The following KIDINS220 variants were observed in gnomAD, a reference collection of about 807,000 sequenced individuals.
The protein encoded by KIDINS220 is kinase D interacting substrate 220, also known as kinase D-interacting substrate of 220 kDa.
KIDINS220 carries 63 observed loss-of-function variants against 157.6 expected under a neutral mutation model. That is an observed-to-expected ratio of 0.40 (90% confidence interval 0.33 to 0.49). The LOEUF is 0.49. Among genes scored for constraint, KIDINS220 ranks in the 20% least tolerant of loss-of-function variants. The pLI is 0.66. For synonymous variants in KIDINS220, 732 were observed against 783.6 expected (o/e 0.93, Z 1.10); for missense variants, 1,772 against 2,171.2 (o/e 0.82, Z 3.65).
intron 5 of KIDINS220, 48 bp from the exon 6 acceptor site, chr2:8,812,541 G>GGAAA (rs780683690): frequency 3.7e-6 from 4 of 1,079,798 alleles, no homozygotes; most frequent in Non-Finnish European, 5.3e-6. Context: ...TAGGAAGGAA[G>GGAAA]GAAAGAAAGA....
At chr2:8,723,467 G>C (rs1180226547), downstream of KIDINS220, 4 of 152,238 alleles carry the variant, frequency 2.6e-5, no homozygotes, top group African/African-American at 9.6e-5. Context: ...TAGATTTGGT[G>C]ATGGTTGTTA....
intron 24 of KIDINS220, 130 bp downstream of exon 24, chr2:8,749,982 T>G: frequency 1.4e-6 from 1 of 709,632 alleles, no homozygotes. Flanking sequence ...ATATTTTACA[T>G]TCAAACTTTA....
intron 26 of KIDINS220, among the ~76,000 whole-genome samples, chr2:8,744,237 A>G (rs1395366289): frequency 6.9e-6 from 1 of 143,980 alleles, no homozygotes; most frequent in Non-Finnish European, 1.5e-5. Context: ...TATATCTATA[A>G]TTTATCTGAC....
chr2:8,729,339 G>A lies in KIDINS220; in HGVS notation c.*1381C>T, dbSNP rs1341278107. The A allele has an allele frequency of 1.9e-5, 19 of 985,298 alleles. No individual in the cohort carries two copies. The highest frequency in any genetic ancestry group is 2.3e-5 in the Non-Finnish European group (19 of 829,942). 61.0% of individuals were successfully genotyped at this position (985,298 alleles called of 1,614,324 possible). ...AAAAACCCACTGAGTGATAAACATC[G>A]AAAATGTAACACTGAATCTAGATAA... On this transcript the variant is annotated 3_prime_UTR_variant, in exon 30 of 30. Coordinates refer to ENST00000256707, the MANE Select transcript of KIDINS220 (RefSeq NM_020738.4).
At chr2:8,727,464 T>G (rs889742174), downstream of KIDINS220, among the ~76,000 whole-genome samples, 1 of 152,220 alleles carries the variant, frequency 6.6e-6, no homozygotes, top group African/African-American at 2.4e-5. Context: ...ATTCAGAGAT[T>G]CCTGGATTTT....
chr2:8,723,864 C>T (rs966951541), downstream of KIDINS220: 1 of 152,244 alleles, frequency 6.6e-6, no homozygotes, highest in Non-Finnish European at 1.5e-5. Flanking sequence ...TAATCATCCA[C>T]ATGGGAGGCA....
At chr2:8,828,048 G>A (rs984305281) in intron 1 of KIDINS220, among the ~76,000 whole-genome samples, 1 of 152,116 alleles carries the variant, frequency 6.6e-6, no homozygotes, top group Non-Finnish European at 1.5e-5. Flanking sequence ...AGCCCTCTAA[G>A]GGCTTCTCGG....
chr2:8,726,587 A>C (rs1392608980), downstream of KIDINS220, among the ~76,000 whole-genome samples: 1 of 152,138 alleles, frequency 6.6e-6, no homozygotes, highest in African/African-American at 2.4e-5. Flanking sequence ...CTGTTGGACG[A>C]TTTTGTCGTG....
In KIDINS220 at chr2:8,730,237, C is replaced by T; in HGVS notation, c.*483G>A. On this transcript the variant is annotated 3_prime_UTR_variant, in exon 30 of 30. Coordinates refer to ENST00000256707, the MANE Select transcript of KIDINS220 (RefSeq NM_020738.4). ...GAACGCTGGATCTCGGTTTACTCAG[C>T]CTCTCCCTGTAGCGTCACAGGCTGT... 1.0e-6 allele frequency: 1 copy of T among 987,770 alleles called. No homozygotes were observed. The highest frequency in any genetic ancestry group is 1.2e-6 in the Non-Finnish European group (1 of 831,714). 61.2% of individuals were successfully genotyped at this position (987,770 alleles called of 1,614,324 possible). A position where few individuals can be genotyped will look rare whatever the true frequency, so the allele number is the denominator to read the frequency against.
intron 22 of KIDINS220, chr2:8,757,356 T>C (rs1380721957): frequency 1.9e-6 from 2 of 1,058,900 alleles, no homozygotes. Context: ...TTCAACTAAA[T>C]ATCTATTTTT....
chr2:8,725,268 G>C (rs1309872582), downstream of KIDINS220: 1 of 152,166 alleles, frequency 6.6e-6, no homozygotes, highest in Admixed American at 6.5e-5. Context: ...CAGGAACTAT[G>C]ATAAATTTGA....
Position 8,729,392 on chromosome 2 carries a change from C to T in KIDINS220, c.*1328G>A, listed in dbSNP as rs1333182959. The T allele has an allele frequency of 4.2e-5, 41 of 985,318 alleles. No individual in the cohort carries two copies. The highest frequency in any genetic ancestry group is 1.2e-4 in the Admixed American group (2 of 16,274). The allele number at this position is 985,318 out of a possible 1,614,324, so 61.0% of individuals were successfully genotyped here. A position where few individuals can be genotyped will look rare whatever the true frequency, so the allele number is the denominator to read the frequency against. On this transcript the variant is annotated 3_prime_UTR_variant, in exon 30 of 30. Transcript: ENST00000256707. ...GCGCATCTGCGATCTCACCATCTAC[C>T]GTCCTAACTGTGACTTGGGGTAAAC... is the stretch of plus-strand genomic sequence containing the variant.
At position 8,745,037 on chromosome 2, in the gene KIDINS220, C is replaced by T. The variant is rs1208262111; in HGVS notation, c.3585+2108G>A. Among the ~76,000 whole-genome samples the T allele has an allele frequency of 1.8e-4, 28 of 152,184 alleles. 1 individual carries two copies. Among genetic ancestry groups the T allele is most frequent in the Admixed American group, 1.8e-3 (28 of 15,284 alleles). ...CACACGATTTCCCCTTCTCCAAAAA[C>T]TCATTTCAAAATTTGCCTAATGCTC... On this transcript the variant is annotated intron_variant, in intron 26 of 29. Coordinates refer to ENST00000256707, the MANE Select transcript of KIDINS220 (RefSeq NM_020738.4).
chr2:8,822,308 T>A (rs1678092122), intron 2 of KIDINS220, among the ~76,000 whole-genome samples: 1 of 152,154 alleles, frequency 6.6e-6, no homozygotes, highest in Non-Finnish European at 1.5e-5. Context: ...TTCGAAATCC[T>A]CCTTTGAAAT....
chr2:8,733,400 G>A (rs764854955), intron 29 of KIDINS220, 44 bp downstream of exon 29: 12 of 1,472,486 alleles, frequency 8.1e-6, no homozygotes, highest in Non-Finnish European at 2.8e-6. Flanking sequence ...ACTGAACGGT[G>A]TGCTTATTCT....
intron 24 of KIDINS220, among the ~76,000 whole-genome samples, chr2:8,749,773 A>G (rs941220458): frequency 2.0e-4 from 31 of 152,220 alleles, no homozygotes; most frequent in African/African-American, 7.5e-4. Flanking sequence ...ACTATTATAC[A>G]AGATATAACA....
intron 22 of KIDINS220, among the ~76,000 whole-genome samples, chr2:8,763,912 G>C (rs1196174195): frequency 6.6e-6 from 1 of 152,164 alleles, no homozygotes; most frequent in East Asian, 1.9e-4. Context: ...AAAGGGAAAA[G>C]AGTCATTATA....
At chr2:8,797,704 C>T (rs918436454) in intron 10 of KIDINS220, among the ~76,000 whole-genome samples, 4 of 152,182 alleles carry the variant, frequency 2.6e-5, no homozygotes, top group Non-Finnish European at 4.4e-5. Context: ...ATTACACATA[C>T]GCTAAATAGG....
intron 22 of KIDINS220, among the ~76,000 whole-genome samples, chr2:8,763,029 TTCTA>T (rs552140061): frequency 4.6e-4 from 70 of 152,328 alleles, no homozygotes; most frequent in South Asian, 1.5e-3. Flanking sequence ...GCAGAAAAAT[TTCTA>T]TCTGCTATAA....
Sources: gnomAD v4.1 joint callset for allele counts (sites outside exome capture counted in the v4.1 genomes callset) on GRCh38, gnomAD v4.1.1 for gene constraint, MANE v1.5 for transcripts, NCBI Gene and HGNC (gene_info 2026-07-23, HGNC 2026-07-21) for gene names.